The following SEZ6L variants were observed in gnomAD, a reference collection of about 807,000 sequenced individuals.
SEZ6L encodes the protein seizure 6-like protein.
In SEZ6L, 37 loss-of-function variants were observed where a neutral mutation model predicts 106.2. The ratio of observed to expected loss-of-function variants is 0.35; its 90% confidence interval spans 0.27 to 0.46. The LOEUF (loss-of-function observed/expected upper bound fraction) is 0.46, where lower values mean the gene tolerates loss of function less well. Ranked by LOEUF, SEZ6L falls within the 20% of genes least tolerant of loss-of-function variation. The pLI is 1.00. For synonymous variants in SEZ6L, 541 were observed against 570.4 expected (o/e 0.95, Z 0.73); for missense variants, 1,172 against 1,332.8 (o/e 0.88, Z 1.88).
intron 1 of SEZ6L, among the ~76,000 whole-genome samples, chr22:26,230,063 C>T (rs1331293680): frequency 1.3e-5 from 2 of 152,224 alleles, no homozygotes; most frequent in East Asian, 1.9e-4. Context: ...GCTGTGAAGA[C>T]GTCTGCTGTG....
chr22:26,242,542 C>T (rs531303154), intron 1 of SEZ6L, among the ~76,000 whole-genome samples: 7 of 151,992 alleles, frequency 4.6e-5, no homozygotes, highest in Admixed American at 6.5e-5. Context: ...TTAAGAACCA[C>T]GACTATTGAT....
At position 26,259,218 on chromosome 22, in the gene SEZ6L, T is replaced by C. The variant is rs182154572; in HGVS notation, c.95-33188T>C. On this transcript the variant is annotated intron_variant, in intron 1 of 16. Transcript: ENST00000248933. The stretch of plus-strand genomic sequence containing the variant: ...GAAAGAAAAGAGCTTTGGGGTAAGG[T>C]TGGGGTGAGAAGGTGAGGATGAAAT... Among the ~76,000 whole-genome samples the C allele has an allele frequency of 1.7e-3, 259 of 152,180 alleles. 1 individual carries two copies. Among genetic ancestry groups the C allele is most frequent in the African/African-American group, 5.8e-3 (242 of 41,514 alleles).
chr22:26,324,119 C>CAA (rs2082239530), intron 9 of SEZ6L, among the ~76,000 whole-genome samples: 1 of 151,650 alleles, frequency 6.6e-6, no homozygotes, highest in Non-Finnish European at 1.5e-5. Flanking sequence ...CACACACACA[C>CAA]AAACGGTAGG....
At chr22:26,182,923 C>T (rs906546124) in intron 1 of SEZ6L, among the ~76,000 whole-genome samples, 2 of 152,192 alleles carry the variant, frequency 1.3e-5, no homozygotes, top group Admixed American at 6.5e-5. Context: ...GGAGCCTTTC[C>T]ATCTGTGAAT....
At chr22:26,373,504 A>C in intron 14 of SEZ6L, 21 bp downstream of exon 14, 1 of 1,587,850 alleles carries the variant, frequency 6.3e-7, no homozygotes, top group Non-Finnish European at 8.6e-7. Flanking sequence ...GAACGAAAAA[A>C]AAAAAAGTTC....
intron 12 of SEZ6L, among the ~76,000 whole-genome samples, chr22:26,359,882 T>C (rs2083557472): frequency 6.6e-6 from 1 of 152,202 alleles, no homozygotes; most frequent in Non-Finnish European, 1.5e-5. Flanking sequence ...AATGAGTTCA[T>C]AGATATAAAA....
In SEZ6L at chr22:26,296,913, G is replaced by A. The variant is rs771797089; in HGVS notation, c.995G>A (p.Gly332Glu). ...GTGAAGAGTGTGAACCTGTCCGATG[G>A]GGAACTGCTCTCCATCCGCGGGGTG... ...LQVKSVNLSD[G>E]ELLSIRGVDG... Residue 332 changes from glycine (G) to glutamate (E), a missense_variant, in exon 4 of 17, where the codon GGG (glycine) becomes GAG (glutamate). Gly to Glu is a moderately conservative substitution (Grantham distance 98). Coordinates refer to ENST00000248933, the MANE Select transcript of SEZ6L (RefSeq NM_021115.5). 5 of 1,611,324 alleles carry A rather than the reference G, an allele frequency of 3.1e-6. No individual in the cohort carries two copies. The highest frequency in any genetic ancestry group is 2.5e-6 in the Non-Finnish European group (3 of 1,178,582).
intron 1 of SEZ6L, among the ~76,000 whole-genome samples, chr22:26,262,696 A>G (rs2080054081): frequency 6.6e-6 from 1 of 152,200 alleles, no homozygotes; most frequent in Non-Finnish European, 1.5e-5. Context: ...AAATCCAGGT[A>G]AGAAAGACTA....
At chr22:26,319,149 G>A (rs554770614) in intron 9 of SEZ6L, among the ~76,000 whole-genome samples, 2 of 152,128 alleles carry the variant, frequency 1.3e-5, no homozygotes, top group South Asian at 4.1e-4. Flanking sequence ...CCCACACCCT[G>A]TAGCCAAATC....
chr22:26,294,865 C>G (rs1444552736), intron 3 of SEZ6L, among the ~76,000 whole-genome samples: 1 of 137,586 alleles, frequency 7.3e-6, no homozygotes. Flanking sequence ...TTGCTTCTTT[C>G]TCTTTCTCTT....
intron 9 of SEZ6L, among the ~76,000 whole-genome samples, chr22:26,331,096 C>A (rs1208667445): frequency 6.6e-6 from 1 of 152,234 alleles, no homozygotes; most frequent in Non-Finnish European, 1.5e-5. Flanking sequence ...CCTCACCTAC[C>A]ACCTGCTCCC....
At chr22:26,268,692 C>T (rs1295165631) in intron 1 of SEZ6L, among the ~76,000 whole-genome samples, 3 of 152,152 alleles carry the variant, frequency 2.0e-5, no homozygotes. Context: ...GTGCCTGTCC[C>T]GTGCATTGTA....
chr22:26,321,355 T>C (rs1473228887), intron 9 of SEZ6L, among the ~76,000 whole-genome samples: 2 of 152,142 alleles, frequency 1.3e-5, no homozygotes, highest in African/African-American at 4.8e-5. Flanking sequence ...GTCCATGAAG[T>C]AGGACAGCCT....
chr22:26,309,351 C>T (rs1481165899), intron 6 of SEZ6L, among the ~76,000 whole-genome samples: 1 of 152,128 alleles, frequency 6.6e-6, no homozygotes, highest in African/African-American at 2.4e-5. Context: ...TCTCAAAGCC[C>T]ACCTGTAAGA....
At chr22:26,280,045 C>A (rs915687082) in intron 1 of SEZ6L, among the ~76,000 whole-genome samples, 1 of 152,176 alleles carries the variant, frequency 6.6e-6, no homozygotes, top group Non-Finnish European at 1.5e-5. Flanking sequence ...GTGATTCTCT[C>A]TTTGAGCCCA....
At chr22:26,275,663 T>C (rs763773090) in intron 1 of SEZ6L, among the ~76,000 whole-genome samples, 28 of 152,196 alleles carry the variant, frequency 1.8e-4, no homozygotes, top group Non-Finnish European at 3.2e-4. Context: ...TGCCCATCTG[T>C]AAAATGACGG....
intron 5 of SEZ6L, among the ~76,000 whole-genome samples, chr22:26,300,103 G>T (rs1160459952): frequency 1.3e-5 from 2 of 152,068 alleles, no homozygotes; most frequent in African/African-American, 4.8e-5. Context: ...TCATGTATGT[G>T]TTGGCCATTT....
intron 13 of SEZ6L, 142 bp from the exon 14 acceptor site, chr22:26,373,309 A>G: frequency 1.5e-6 from 1 of 670,114 alleles, no homozygotes; most frequent in Non-Finnish European, 2.6e-6. Flanking sequence ...CACTGATTAT[A>G]GTGGCCCAAG....
At chr22:26,182,925 T>A (rs572282645) in intron 1 of SEZ6L, among the ~76,000 whole-genome samples, 28 of 152,082 alleles carry the variant, frequency 1.8e-4, no homozygotes, top group Non-Finnish European at 3.4e-4. Flanking sequence ...AGCCTTTCCA[T>A]CTGTGAATGA....
Sources: gnomAD v4.1 joint callset for allele counts (sites outside exome capture counted in the v4.1 genomes callset) on GRCh38, gnomAD v4.1.1 for gene constraint, MANE v1.5 for transcripts, NCBI Gene and HGNC (gene_info 2026-07-23, HGNC 2026-07-21) for gene names.